LIN28A: variants seen among roughly 807,000 people sequenced by gnomAD.
LIN28A encodes protein lin-28 homolog A.
LIN28A carries 11 observed loss-of-function variants against 21.1 expected under a neutral mutation model. The observed-to-expected ratio is 0.52, with a 90% CI of 0.33 to 0.86. LIN28A has a LOEUF of 0.86. Among genes scored for constraint, LIN28A ranks in the 40% least tolerant of loss-of-function variants. The pLI is 0.03. For synonymous variants in LIN28A, 111 were observed against 108.7 expected (o/e 1.02, Z -0.13); for missense variants, 219 against 279.8 (o/e 0.78, Z 1.55).
rs2075073536 is a variant in LIN28A at position 26,428,507 on chromosome 1, A to G, written c.*2049A>G. ...GGAAAACCCTCCATCCCTTGTTCCC[A>G]ACCTCCTAAGTCAAGACCATTACCA... On this transcript the variant is annotated 3_prime_UTR_variant, in exon 4 of 4. Transcript: ENST00000326279. 2.0e-5 allele frequency: 3 copies of G among 151,422 alleles called. No individual in the cohort carries two copies. The highest frequency in any genetic ancestry group is 7.3e-5 in the African/African-American group (3 of 41,170). 9.4% of individuals were successfully genotyped at this position (151,422 alleles called of 1,614,324 possible).
intron 2 of LIN28A, among the ~76,000 whole-genome samples, chr1:26,417,404 A>C (rs574708846): frequency 6.6e-6 from 1 of 152,282 alleles, no homozygotes; most frequent in East Asian, 1.9e-4. Context: ...TCCCTTACCA[A>C]ATCTTACCTC....
Position 26,424,579 on chromosome 1 carries a change from A to G in LIN28A, c.229-724A>G, listed in dbSNP as rs370744464. Among the ~76,000 whole-genome samples the G allele has an allele frequency of 5.9e-5, 9 of 151,978 alleles. No individual in the cohort carries two copies. In the East Asian group the frequency reaches 7.7e-4, roughly 13 times the overall value. On this transcript the variant is annotated intron_variant, in intron 2 of 3. Transcript: ENST00000326279. ...AGCTATTTTTACTTTTATTTTATTT[A>G]TTTATTTTTGAGACGAAGTCTTGCT...
rs776531532 is a variant in LIN28A at position 26,411,910 on chromosome 1, G to A, written c.228+328G>A. On this transcript the variant is annotated intron_variant, in intron 2 of 3. Coordinates refer to ENST00000326279, the MANE Select transcript of LIN28A (RefSeq NM_024674.6). This position sits in a 1 kb window ranked among gnomAD's most constrained non-coding sequence, Gnocchi z 5.4. ...CTAAGGTTGTATTGTGCTTGCCGGT[G>A]GGGGGAGGGCGAGCAGGCCGGCCAG... 7.9e-5 allele frequency among the ~76,000 whole-genome samples: 12 copies of A among 152,210 alleles called. No individual in the cohort carries two copies. Among genetic ancestry groups the A allele is most frequent in the African/African-American group, 2.9e-4 (12 of 41,454 alleles).
chr1:26,418,581 T>C (rs948578624), intron 2 of LIN28A, among the ~76,000 whole-genome samples: 2 of 151,658 alleles, frequency 1.3e-5, no homozygotes, highest in African/African-American at 4.8e-5. Flanking sequence ...GTCTGTTGTC[T>C]GATGCCACAT....
chr1:26,411,989 G>A lies in LIN28A; in HGVS notation c.228+407G>A, dbSNP rs987337879. ...GCCCAGCTCCTCCAACGTCTGAATG[G>A]AGCTCAGAAGGCGGGAGAGAGTGAG... On this transcript the variant is annotated intron_variant, in intron 2 of 3. Transcript: ENST00000326279. This position sits in a 1 kb window ranked among gnomAD's most constrained non-coding sequence, Gnocchi z 5.4. 2.0e-5 allele frequency among the ~76,000 whole-genome samples: 3 copies of A among 152,232 alleles called. No individual in the cohort carries two copies. The highest frequency in any genetic ancestry group is 6.5e-5 in the Admixed American group (1 of 15,290).
intron 2 of LIN28A, among the ~76,000 whole-genome samples, chr1:26,412,326 G>T (rs1177334147): frequency 1.3e-5 from 2 of 152,170 alleles, no homozygotes; most frequent in Non-Finnish European, 2.9e-5. Context: ...CGCAGGGCAG[G>T]GGGTGAAGGG....
At position 26,426,668 on chromosome 1, in the gene LIN28A, G is replaced by T; in HGVS notation, c.*210G>T. On this transcript the variant is annotated 3_prime_UTR_variant, in exon 4 of 4. Transcript: ENST00000326279. Reference sequence around the variant, plus strand: ...CATGCTCTGTCCAAATGCAAGTGAGGGTTCTGGGGGCAACCAGGAGGGGGG... The same window carrying T: ...CATGCTCTGTCCAAATGCAAGTGAGTGTTCTGGGGGCAACCAGGAGGGGGG... 1.8e-6 allele frequency: 1 copy of T among 552,814 alleles called. No individual in the cohort carries two copies. The highest frequency in any genetic ancestry group is 3.3e-6 in the Non-Finnish European group (1 of 302,612). 34.2% of individuals were successfully genotyped at this position (552,814 alleles called of 1,614,324 possible).
intron 2 of LIN28A, among the ~76,000 whole-genome samples, chr1:26,417,210 G>A (rs995970531): frequency 6.6e-6 from 1 of 152,228 alleles, no homozygotes; most frequent in Non-Finnish European, 1.5e-5. Context: ...GCTGAGCAGC[G>A]CCATCTGGTG....
At chr1:26,426,045 A>G (rs2075057203) in intron 3 of LIN28A, among the ~76,000 whole-genome samples, 197 bp from the exon 4 acceptor site, 1 of 152,180 alleles carries the variant, frequency 6.6e-6, no homozygotes, top group African/African-American at 2.4e-5. Flanking sequence ...ATCTGAAGAG[A>G]TCACCTAGAC....
intron 2 of LIN28A, among the ~76,000 whole-genome samples, chr1:26,414,776 G>T (rs146239808): frequency 3.9e-5 from 6 of 152,218 alleles, no homozygotes; most frequent in African/African-American, 1.2e-4. Context: ...CAGTATTCCT[G>T]GTCTCTACCC....
At chr1:26,424,485 C>T (rs554604710) in intron 2 of LIN28A, among the ~76,000 whole-genome samples, 1 of 152,284 alleles carries the variant, frequency 6.6e-6, no homozygotes, top group South Asian at 2.1e-4. Flanking sequence ...CGTGATCCAC[C>T]TGCTTCAGCC....
chr1:26,414,687 C>G (rs1213570736), intron 2 of LIN28A, among the ~76,000 whole-genome samples: 1 of 152,184 alleles, frequency 6.6e-6, no homozygotes, highest in African/African-American at 2.4e-5. Context: ...TAGAGTTTCT[C>G]GACTTCAGCA....
At chr1:26,421,853 A>G (rs1317044004) in intron 2 of LIN28A, among the ~76,000 whole-genome samples, 1 of 151,766 alleles carries the variant, frequency 6.6e-6, no homozygotes, top group Non-Finnish European at 1.5e-5. Flanking sequence ...CATAACCTCT[A>G]CCCAGATTCA....
intron 2 of LIN28A, among the ~76,000 whole-genome samples, chr1:26,419,688 A>T (rs1035842713): frequency 1.3e-5 from 2 of 152,192 alleles, no homozygotes; most frequent in African/African-American, 4.8e-5. Context: ...CAGCACTACC[A>T]TAAAATTAGT....
At chr1:26,421,320 G>A (rs538951272) in intron 2 of LIN28A, among the ~76,000 whole-genome samples, 89 of 152,226 alleles carry the variant, frequency 5.8e-4, no homozygotes, top group African/African-American at 1.9e-3. Flanking sequence ...TAATGGCTGC[G>A]TGGTATTCAT....
chr1:26,416,651 T>G (rs2074995054), intron 2 of LIN28A, among the ~76,000 whole-genome samples: 1 of 152,038 alleles, frequency 6.6e-6, no homozygotes, highest in Non-Finnish European at 1.5e-5. Flanking sequence ...GGAATCTCTC[T>G]CTGTTGCCCA....
intron 2 of LIN28A, among the ~76,000 whole-genome samples, chr1:26,422,414 A>AT (rs60313858): frequency 0.29 from 39,585 of 134,726 alleles, 6,144 homozygotes; most frequent in East Asian, 0.7. Context: ...CAATTGTCCT[A>AT]TTTTTTTTTT....
In LIN28A at chr1:26,421,409, CAAT is replaced by C. The variant is rs1446378690; in HGVS notation, c.229-3893_229-3891del. 2.6e-5 allele frequency among the ~76,000 whole-genome samples: 4 copies of C among 152,194 alleles called. No homozygotes were observed. In the East Asian group the frequency reaches 7.7e-4, roughly 29 times the overall value. On this transcript the variant is annotated intron_variant, in intron 2 of 3. Transcript: ENST00000326279. ...GTTATTTCCAATTTTTTTAAAGCAA[CAAT>C]GAGATACTGAGTATATGTGTCGTGC...
intron 2 of LIN28A, among the ~76,000 whole-genome samples, chr1:26,420,721 G>T (rs4295916): frequency 0.26 from 39,239 of 151,858 alleles, 5,231 homozygotes; most frequent in African/African-American, 0.28. Context: ...CATAAAATAC[G>T]AATGCTACTT....
Sources: gnomAD v4.1 joint callset for allele counts (sites outside exome capture counted in the v4.1 genomes callset) on GRCh38, gnomAD v4.1.1 for gene constraint, Gnocchi (gnomAD v3.1) non-coding constraint, MANE v1.5 for transcripts, NCBI Gene and HGNC (gene_info 2026-07-23, HGNC 2026-07-21) for gene names.